TMEM39B: variants seen among roughly 807,000 people sequenced by gnomAD.
TMEM39B encodes transmembrane protein 39B.
In TMEM39B, 23 loss-of-function variants were observed where a neutral mutation model predicts 52.2. The ratio of observed to expected loss-of-function variants is 0.44; its 90% CI spans 0.32 to 0.62. TMEM39B has a LOEUF of 0.62. TMEM39B is among the 20% of genes least tolerant of loss of function. TMEM39B has a pLI of 0.06. For missense variants in TMEM39B, 547 were observed against 642.0 expected (o/e 0.85, Z 1.60); for synonymous variants, 285 against 264.0 (o/e 1.08, Z -0.77).
chr1:32,076,456 T>C (rs1382592326), intron 3 of TMEM39B: 1 of 464,796 alleles, frequency 2.2e-6, no homozygotes, highest in Non-Finnish European at 4.1e-6. Flanking sequence ...ACCACAGGGA[T>C]ACATGAGTGC....
chr1:32,091,857 C>A lies in TMEM39B; in HGVS notation c.773C>A (p.Ala258Asp), dbSNP rs1313029315. Residue 258 changes from alanine to aspartate, a missense_variant, in exon 6 of 9, where the codon GCC (alanine) becomes GAC (aspartate). Transcript: ENST00000336294. ...QHTRQLYGPD[A>D]MPTHACCLSP... ...ACAAGACAGCTGTATGGCCCGGACG[C>A]CATGCCCACCCATGCCTGCTGCCTG... 6.2e-7 allele frequency: 1 copy of A among 1,614,230 alleles called. No individual in the cohort carries two copies. Among genetic ancestry groups the A allele is most frequent in the Non-Finnish European group, 8.5e-7 (1 of 1,180,036 alleles).
At chr1:32,098,929 G>A (rs115425690) in intron 7 of TMEM39B, among the ~76,000 whole-genome samples, 4 of 152,130 alleles carry the variant, frequency 2.6e-5, no homozygotes, top group Non-Finnish European at 5.9e-5. Context: ...ATGTGGACTA[G>A]TAGCAGGAGA....
chr1:32,075,520 T>A, intron 2 of TMEM39B, 83 bp from the exon 3 acceptor site: 1 of 1,407,098 alleles, frequency 7.1e-7, no homozygotes, highest in South Asian at 1.3e-5. Context: ...TTTCTGATCT[T>A]ATCCCACAAT....
intron 8 of TMEM39B, 90 bp from the exon 9 acceptor site, chr1:32,102,341 T>TGTCC (rs1641048236): frequency 9.7e-6 from 15 of 1,539,434 alleles, no homozygotes; most frequent in Middle Eastern, 2.0e-4. Flanking sequence ...CCCAGGAGGC[T>TGTCC]GTCCCCTTCA....
chr1:32,083,021 G>A (rs964073276), intron 5 of TMEM39B, among the ~76,000 whole-genome samples: 9 of 143,742 alleles, frequency 6.3e-5, no homozygotes, highest in African/African-American at 2.1e-4. Context: ...TGATCCACCC[G>A]CCTCAGCCTC....
chr1:32,074,892 C>T (rs1229507730), intron 1 of TMEM39B, 59 bp from the exon 2 acceptor site: 1 of 1,501,316 alleles, frequency 6.7e-7, no homozygotes, highest in Non-Finnish European at 8.9e-7. Context: ...GGTATCATTG[C>T]TGTTATCCTT....
At chr1:32,077,003 T>G (rs184118756) in intron 4 of TMEM39B, among the ~76,000 whole-genome samples, 157 bp downstream of exon 4, 2 of 152,300 alleles carry the variant, frequency 1.3e-5, no homozygotes, top group East Asian at 3.9e-4. Context: ...TCTTGGAGTT[T>G]ACTGGGCATC....
intron 8 of TMEM39B, among the ~76,000 whole-genome samples, chr1:32,101,436 C>CT (rs1040195259): frequency 1.6e-4 from 25 of 151,638 alleles, no homozygotes; most frequent in African/African-American, 6.0e-4. Context: ...CCCTCCCCCC[C>CT]TTTTTTAAAA....
At chr1:32,092,887 C>T (rs898116566) in intron 6 of TMEM39B, among the ~76,000 whole-genome samples, 6 of 152,196 alleles carry the variant, frequency 3.9e-5, no homozygotes, top group African/African-American at 1.4e-4. Flanking sequence ...CATTGTTATT[C>T]GTAATACTTG....
At chr1:32,072,865 C>T (rs907959213), upstream of TMEM39B, 2 of 714,052 alleles carry the variant, frequency 2.8e-6, no homozygotes, top group African/African-American at 1.9e-5. Flanking sequence ...TCCGGGCGGC[C>T]CCTTTAAGAA....
At chr1:32,090,216 T>C (rs1184108273) in intron 5 of TMEM39B, among the ~76,000 whole-genome samples, 2 of 152,046 alleles carry the variant, frequency 1.3e-5, no homozygotes, top group Non-Finnish European at 2.9e-5. Context: ...ATAATTACTT[T>C]TCTAGACTAT....
In TMEM39B at chr1:32,075,654, T is replaced by C. The variant is rs369738938; in HGVS notation, c.183T>C (p.Val61=). 38 of 1,551,672 alleles carry C rather than the reference T, an allele frequency of 2.4e-5. No homozygotes were observed. The African/African-American group carries it at 4.2e-4, about 17-fold the overall frequency. The change falls in exon 3 of 9, where the codon GTT becomes GTC. Residue 61 remains valine, a synonymous_variant. Transcript: ENST00000336294. ...GCCCTCCTCTGGCCACCCAAACTGT[T>C]GTGCCTCTACAGCACTGCAAGATCC... is the stretch of plus-strand genomic sequence containing the variant. ...LSSPPLATQT[V]VPLQHCKIPE...
Position 32,082,602 on chromosome 1 carries a change from GCA to G in TMEM39B, c.590+5286_590+5287del, listed in dbSNP as rs1557915530. On this transcript the variant is annotated intron_variant, in intron 5 of 8. Coordinates refer to ENST00000336294, the MANE Select transcript of TMEM39B (RefSeq NM_018056.4). ...CCCGAGTAGCTGGGATTACAGGTGT[GCA>G]CCACCACGCCCAGCTAATTTTTTGT... is the stretch of plus-strand genomic sequence containing the variant. Among the ~76,000 whole-genome samples the G allele has an allele frequency of 5.3e-5, 8 of 150,476 alleles. No individual in the cohort carries two copies. In the South Asian group the frequency reaches 1.5e-3, roughly 28 times the overall value.
intron 7 of TMEM39B, among the ~76,000 whole-genome samples, chr1:32,096,635 G>T (rs538429949): frequency 6.6e-6 from 1 of 151,214 alleles, no homozygotes; most frequent in African/African-American, 2.4e-5. Context: ...TAATTTTTAC[G>T]TTTTTAGTAG....
Position 32,100,512 on chromosome 1 carries a change from G to A in TMEM39B, c.1186G>A (p.Gly396Ser). Residue 396 changes from glycine to serine, a missense_variant, in exon 8 of 9, where the codon GGC (glycine) becomes AGC (serine). Gly to Ser is a moderately conservative substitution (Grantham distance 56). Coordinates refer to ENST00000336294, the MANE Select transcript of TMEM39B (RefSeq NM_018056.4). ...KHSKNVYKAV[G>S]HYNVAIPSDV... ...CAGCAAGAACGTCTACAAAGCCGTA[G>A]GCCACTACAACGTGGCTATCCCCTC... 5.0e-6 allele frequency: 8 copies of A among 1,614,034 alleles called. No individual in the cohort carries two copies. The highest frequency in any genetic ancestry group is 6.8e-6 in the Non-Finnish European group (8 of 1,179,932).
At chr1:32,086,996 G>C (rs766237213) in intron 5 of TMEM39B, 3 of 152,200 alleles carry the variant, frequency 2.0e-5, no homozygotes, top group Non-Finnish European at 4.4e-5. Flanking sequence ...CTGAATAGCT[G>C]GGACTACAGG....
intron 7 of TMEM39B, among the ~76,000 whole-genome samples, chr1:32,099,844 C>T (rs912141121): frequency 1.1e-4 from 16 of 152,186 alleles, no homozygotes; most frequent in African/African-American, 3.1e-4. Context: ...GTCAAGAATT[C>T]GAGACTAGCC....
intron 5 of TMEM39B, among the ~76,000 whole-genome samples, chr1:32,085,409 C>T (rs1640300173): frequency 6.6e-6 from 1 of 152,100 alleles, no homozygotes; most frequent in African/African-American, 2.4e-5. Flanking sequence ...TCTAAGGCCT[C>T]TATGTTTGCT....
intron 7 of TMEM39B, among the ~76,000 whole-genome samples, chr1:32,098,808 G>A (rs553099071): frequency 1.3e-5 from 2 of 152,308 alleles, no homozygotes; most frequent in Admixed American, 1.3e-4. Context: ...TCTGTGCCAG[G>A]CCTTGCGGCA....
Sources: allele counts gnomAD v4.1 joint callset (sites outside exome capture counted in the v4.1 genomes callset), GRCh38; gene constraint gnomAD v4.1.1; transcripts MANE v1.5; gene names NCBI Gene and HGNC (gene_info 2026-07-23, HGNC 2026-07-21).